Variants in PCDHA4 observed in about 807,000 individuals in gnomAD.
The protein encoded by PCDHA4 is protocadherin alpha-4.
Under a neutral mutation model 61.4 loss-of-function variants are expected in PCDHA4, and 49 were observed. The ratio of observed to expected loss-of-function variants is 0.80; its 90% CI spans 0.63 to 1.01. The LOEUF is 1.01. PCDHA4 is among the 50% of genes least tolerant of loss of function. The probability of loss-of-function intolerance (pLI) is 0.00; values close to 1 mark genes in which losing one functional copy is unlikely to be tolerated. For synonymous variants in PCDHA4, 590 were observed against 550.3 expected (o/e 1.07, Z -1.01); for missense variants, 1,254 against 1,235.8 (o/e 1.01, Z -0.22).
At chr5:140,980,852 T>G (rs1233523507) in intron 2 of PCDHA4, among the ~76,000 whole-genome samples, 5 of 152,184 alleles carry the variant, frequency 3.3e-5, no homozygotes, top group African/African-American at 1.2e-4. Flanking sequence ...TACTAATCTT[T>G]TTCGTATGTG....
At chr5:140,845,504 C>T (rs1210471805) in intron 1 of PCDHA4, among the ~76,000 whole-genome samples, 1 of 149,510 alleles carries the variant, frequency 6.7e-6, no homozygotes, top group Non-Finnish European at 1.5e-5. Flanking sequence ...AAGTCTAAAC[C>T]TATTTCTTGT....
At chr5:140,965,314 T>C (rs563123453) in intron 1 of PCDHA4, among the ~76,000 whole-genome samples, 1 of 152,254 alleles carries the variant, frequency 6.6e-6, no homozygotes, top group East Asian at 1.9e-4. Flanking sequence ...TACCTTCTCT[T>C]TTACTGAAGT....
intron 1 of PCDHA4, chr5:140,868,910 T>C: frequency 2.3e-6 from 2 of 888,770 alleles, no homozygotes; most frequent in South Asian, 3.8e-5. Flanking sequence ...GCTCTTTACT[T>C]GGTGGAAAGT....
At chr5:140,843,345 C>T (rs2150357960) in intron 1 of PCDHA4, 12 of 1,595,968 alleles carry the variant, frequency 7.5e-6, no homozygotes, top group African/African-American at 5.4e-5. Flanking sequence ...AGCGGCCAGG[C>T]TCCAAAAGCG....
intron 1 of PCDHA4, chr5:140,927,896 A>T: frequency 1.2e-6 from 2 of 1,614,200 alleles, no homozygotes; most frequent in Non-Finnish European, 1.7e-6. Flanking sequence ...GACGTGAACG[A>T]TCATGCCCCC....
intron 3 of PCDHA4, among the ~76,000 whole-genome samples, chr5:141,007,166 A>C (rs548434277): frequency 3.3e-5 from 5 of 152,294 alleles, no homozygotes; most frequent in Admixed American, 6.5e-5. Context: ...GAACAGTCAG[A>C]GAGAAAGGTC....
At chr5:140,882,971 G>C in intron 1 of PCDHA4, 1 of 1,614,206 alleles carries the variant, frequency 6.2e-7, no homozygotes, top group Non-Finnish European at 8.5e-7. Flanking sequence ...GATTCTGGAC[G>C]TGAATGACAA....
At chr5:140,883,446 T>TCCC (rs2059615161) in intron 1 of PCDHA4, 1 of 1,614,012 alleles carries the variant, frequency 6.2e-7, no homozygotes, top group African/African-American at 1.3e-5. Context: ...ACGCCGCATG[T>TCCC]CCCCTTCAAG....
At position 140,807,794 on chromosome 5, in the gene PCDHA4, G is replaced by A. The variant is rs1554124277; in HGVS notation, c.607G>A (p.Glu203Lys). 1 of 1,614,154 alleles carries A rather than the reference G, an allele frequency of 6.2e-7. No homozygotes were observed. Among genetic ancestry groups the A allele is most frequent in the East Asian group, 2.2e-5 (1 of 44,878 alleles). ...TATATTACGGAAATCTTTAGACAGA[G>A]AAGAAGCTCCGGAGATTTTTTTAGT... ...GLILRKSLDR[E>K]EAPEIFLVLT... The change falls in exon 1 of 4, where the codon GAA (glutamate) becomes AAA (lysine). Residue 203 changes from glutamate (E) to lysine (K), a missense_variant. Coordinates refer to ENST00000530339, the MANE Select transcript of PCDHA4 (RefSeq NM_018907.4).
At chr5:140,929,319 T>C in intron 1 of PCDHA4, 1 of 1,545,486 alleles carries the variant, frequency 6.5e-7, no homozygotes, top group Non-Finnish European at 8.7e-7. Flanking sequence ...CTAATGTCAA[T>C]GCCATGGTAA....
At position 140,875,707 on chromosome 5, in the gene PCDHA4, C is replaced by G. The variant is rs782640816; in HGVS notation, c.2385+66135C>G. ...ACACGGGGACCTTCTGGAGGTAAAT[C>G]TGCAGAATGGCATTTTGTTTGTGAA... On this transcript the variant is annotated intron_variant, in intron 1 of 3. Transcript: ENST00000530339. The G allele has an allele frequency of 6.2e-6, 10 of 1,614,048 alleles. No homozygotes were observed. In the South Asian group the frequency reaches 6.6e-5, roughly 11 times the overall value.
chr5:140,976,982 T>G (rs1348911349), intron 1 of PCDHA4, among the ~76,000 whole-genome samples: 1 of 152,240 alleles, frequency 6.6e-6, no homozygotes, highest in African/African-American at 2.4e-5. Flanking sequence ...CTGCCTGATC[T>G]TACTGCCATA....
At chr5:140,882,558 G>C (rs782792864) in intron 1 of PCDHA4, 3 of 1,614,130 alleles carry the variant, frequency 1.9e-6, no homozygotes, top group African/African-American at 1.3e-5. Flanking sequence ...GAGCTGTGTG[G>C]GCGGAGCGCG....
intron 3 of PCDHA4, among the ~76,000 whole-genome samples, chr5:141,005,506 A>G (rs1462164149): frequency 1.3e-5 from 2 of 151,786 alleles, no homozygotes; most frequent in East Asian, 3.9e-4. Flanking sequence ...GATCGAGACC[A>G]TCCTGGCTAA....
chr5:140,978,680 T>C (rs2096816388), intron 1 of PCDHA4, among the ~76,000 whole-genome samples: 1 of 152,240 alleles, frequency 6.6e-6, no homozygotes, highest in Non-Finnish European at 1.5e-5. Context: ...CAGACATGTA[T>C]TGGGCAAGGC....
intron 1 of PCDHA4, among the ~76,000 whole-genome samples, chr5:140,893,927 T>C (rs1251170255): frequency 1.3e-5 from 2 of 152,212 alleles, no homozygotes; most frequent in Non-Finnish European, 2.9e-5. Flanking sequence ...TTTCAGAATC[T>C]CTACCTGTTA....
intron 1 of PCDHA4, chr5:140,825,743 A>G (rs1292494101): frequency 1.3e-5 from 2 of 152,438 alleles, no homozygotes; most frequent in Non-Finnish European, 1.5e-5. Context: ...ATTGATGAGG[A>G]GTAACTGTGA....
chr5:140,868,134 T>C (rs1562613374), intron 1 of PCDHA4: 1 of 152,142 alleles, frequency 6.6e-6, no homozygotes, highest in Admixed American at 6.5e-5. Context: ...ATTTCTGTCA[T>C]ATCATTGATT....
chr5:140,931,693 A>G (rs1001252056), intron 1 of PCDHA4, among the ~76,000 whole-genome samples: 1 of 152,004 alleles, frequency 6.6e-6, no homozygotes, highest in African/African-American at 2.4e-5. Context: ...ATTGTGATTC[A>G]TAAAACCATG....
Sources: gnomAD v4.1 joint callset for allele counts (sites outside exome capture counted in the v4.1 genomes callset) on GRCh38, gnomAD v4.1.1 for gene constraint, MANE v1.5 for transcripts, NCBI Gene and HGNC (gene_info 2026-07-23, HGNC 2026-07-21) for gene names.